ERI1: variants seen among roughly 807,000 people sequenced by gnomAD.
ERI1 encodes the protein 3'-5' exoribonuclease 1.
A neutral mutation model predicts 39.7 loss-of-function variants in ERI1; 39 were observed. The ratio of observed to expected loss-of-function variants is 0.98; its 90% CI spans 0.76 to 1.28. The LOEUF is 1.28. Ranked by LOEUF, ERI1 falls within the 50% of genes most tolerant of loss-of-function variation. ERI1 has a pLI of 0.00. For missense variants in ERI1, 581 were observed against 416.9 expected (o/e 1.39, Z -3.43); for synonymous variants, 204 against 149.6 (o/e 1.36, Z -2.65).
chr8:9,051,982 C>T (rs1307491158), intron 3 of ERI1, among the ~76,000 whole-genome samples: 1 of 152,160 alleles, frequency 6.6e-6, no homozygotes, highest in African/African-American at 2.4e-5. Flanking sequence ...AAATAAGTGA[C>T]CTTGCTCTGT....
Position 9,007,962 on chromosome 8 carries a change from T to TGG in ERI1, c.109-8_109-7insGG. Reference sequence around the variant, plus strand: ...TTTTTTTTTTTTTTTTTTTTTTTTTTTTGGTAGGAAACTCAACAGTGTAAA... The same window carrying TGG: ...TTTTTTTTTTTTTTTTTTTTTTTTTTGGTTGGTAGGAAACTCAACAGTGTAAA... On this transcript the variant is annotated splice_region_variant and splice_polypyrimidine_tract_variant and intron_variant, in intron 1 of 6. Transcript: ENST00000250263. 7.5e-6 allele frequency: 9 copies of TGG among 1,195,344 alleles called. No homozygotes were observed. The highest frequency in any genetic ancestry group is 3.1e-5 in the Admixed American group (1 of 32,130). 74.0% of individuals were successfully genotyped at this position (1,195,344 alleles called of 1,614,324 possible). A position where few individuals can be genotyped will look rare whatever the true frequency, so the allele number is the denominator to read the frequency against.
chr8:9,014,679 TTGCAA>T (rs375440668), intron 3 of ERI1, among the ~76,000 whole-genome samples: 15 of 152,292 alleles, frequency 9.8e-5, no homozygotes, highest in African/African-American at 3.6e-4. Flanking sequence ...ATAAGGGAAG[TTGCAA>T]TATATTTTTG....
chr8:9,082,577 T>C (rs1441319092), intron 3 of ERI1, among the ~76,000 whole-genome samples: 6 of 152,138 alleles, frequency 3.9e-5, no homozygotes, highest in Admixed American at 3.9e-4. Context: ...TTCTTGGGGG[T>C]CTTAATCTCT....
chr8:9,019,123 C>T (rs1026701820), intron 5 of ERI1, among the ~76,000 whole-genome samples: 2 of 151,956 alleles, frequency 1.3e-5, no homozygotes, highest in Non-Finnish European at 2.9e-5. Context: ...AAGTGTATGC[C>T]CAAAAAGCAT....
Position 9,020,343 on chromosome 8 carries a change from T to C in ERI1, c.693-7T>C. On this transcript the variant is annotated splice_polypyrimidine_tract_variant and splice_region_variant and intron_variant, in intron 5 of 6. Transcript: ENST00000250263. Reference sequence around the variant, plus strand: ...TCATCAATTTTTTGTCCTTTTTTAATTTATAGTTCTTGGGATATGAGTAAG... The same window carrying C: ...TCATCAATTTTTTGTCCTTTTTTAACTTATAGTTCTTGGGATATGAGTAAG... The C allele has an allele frequency of 6.6e-7, 1 of 1,519,450 alleles. No individual in the cohort carries two copies. The highest frequency in any genetic ancestry group is 1.3e-5 in the South Asian group (1 of 76,564). The allele number at this position is 1,519,450 out of a possible 1,614,324, so 94.1% of individuals were successfully genotyped here.
intron 3 of ERI1, among the ~76,000 whole-genome samples, chr8:9,080,006 A>T (rs1799322450): frequency 6.6e-6 from 1 of 152,048 alleles, no homozygotes; most frequent in African/African-American, 2.4e-5. Flanking sequence ...AAAAAAAAAA[A>T]AAAGTTTGAG....
chr8:9,076,664 A>G (rs1332112845), intron 3 of ERI1, among the ~76,000 whole-genome samples: 2 of 152,246 alleles, frequency 1.3e-5, no homozygotes, highest in African/African-American at 2.4e-5. Context: ...GAGAAACTAC[A>G]TAATATCCAG....
At chr8:9,017,730 T>A (rs575228037) in intron 4 of ERI1, among the ~76,000 whole-genome samples, 1 of 152,138 alleles carries the variant, frequency 6.6e-6, no homozygotes, top group Non-Finnish European at 1.5e-5. Flanking sequence ...ATGGTTCAGA[T>A]GTGTATGGAC....
At chr8:9,094,241 C>T (rs557242054) in intron 3 of ERI1, among the ~76,000 whole-genome samples, 2 of 152,158 alleles carry the variant, frequency 1.3e-5, no homozygotes, top group African/African-American at 4.8e-5. Context: ...ACAATATGAG[C>T]ATGAGAATCG....
intron 3 of ERI1, among the ~76,000 whole-genome samples, chr8:9,048,134 C>G (rs1798238545): frequency 1.3e-5 from 2 of 152,232 alleles, no homozygotes; most frequent in Admixed American, 1.3e-4. Context: ...AAAGCCCAGT[C>G]TTTCTCTAAA....
intron 4 of ERI1, among the ~76,000 whole-genome samples, chr8:9,016,740 C>T (rs751801607): frequency 2.6e-5 from 4 of 152,192 alleles, no homozygotes; most frequent in Admixed American, 6.5e-5. Context: ...GGCTTGAGTA[C>T]AGTGGCGTGA....
At chr8:9,050,121 A>G (rs1444474584) in intron 3 of ERI1, among the ~76,000 whole-genome samples, 1 of 152,080 alleles carries the variant, frequency 6.6e-6, no homozygotes, top group Non-Finnish European at 1.5e-5. Flanking sequence ...TAAGTGAGGT[A>G]GAATATATAT....
chr8:9,076,154 A>G (rs1799205727), intron 3 of ERI1, among the ~76,000 whole-genome samples: 1 of 152,220 alleles, frequency 6.6e-6, no homozygotes, highest in East Asian at 1.9e-4. Context: ...TTATTGCCCA[A>G]GCTGGTCTCA....
At chr8:9,015,595 G>A (rs771845904) in intron 3 of ERI1, among the ~76,000 whole-genome samples, 3 of 151,844 alleles carry the variant, frequency 2.0e-5, no homozygotes, top group Admixed American at 1.3e-4. Context: ...GGTGGCAGGC[G>A]TCTGTAGTCC....
Position 9,011,738 on chromosome 8 carries a change from C to G in ERI1, c.484C>G (p.His162Asp). ...IEFPVVLLNT[H>D]TLEIEDTFQQ... The stretch of plus-strand genomic sequence containing the variant: ...ATTTCCGGTTGTTTTACTGAATACG[C>G]ATACTTTAGAAATAGTAAGTGAATT... Residue 162 changes from histidine (H) to aspartate (D), a missense_variant, in exon 3 of 7, where the codon CAT (histidine) becomes GAT (aspartate). Physicochemically the swap from His to Asp is moderately conservative, Grantham distance 81 (BLOSUM62 -1). Coordinates refer to ENST00000250263, the MANE Select transcript of ERI1 (RefSeq NM_153332.4). 1 of 1,601,802 alleles carries G rather than the reference C, an allele frequency of 6.2e-7. No homozygotes were observed.
At chr8:9,060,580 C>T (rs1384033588) in intron 3 of ERI1, among the ~76,000 whole-genome samples, 1 of 152,096 alleles carries the variant, frequency 6.6e-6, no homozygotes, top group Non-Finnish European at 1.5e-5. Context: ...TTGTAACCTA[C>T]ATGGAAGAGG....
chr8:9,073,532 C>A (rs1319151376), intron 3 of ERI1, among the ~76,000 whole-genome samples: 1 of 152,098 alleles, frequency 6.6e-6, no homozygotes, highest in Non-Finnish European at 1.5e-5. Flanking sequence ...TTTTCCAGTT[C>A]AATTTTTAAC....
chr8:9,036,938 A>T (rs1797864946), downstream of ERI1, among the ~76,000 whole-genome samples: 1 of 152,160 alleles, frequency 6.6e-6, no homozygotes, highest in African/African-American at 2.4e-5. Context: ...TGAAACCATG[A>T]AACTCATAGT....
At chr8:9,005,083 G>A (rs949603176) in intron 1 of ERI1, among the ~76,000 whole-genome samples, 2 of 152,178 alleles carry the variant, frequency 1.3e-5, no homozygotes, top group African/African-American at 4.8e-5. Context: ...TTGTAAACTA[G>A]TAGAAGCTAT....
Sources: allele counts gnomAD v4.1 joint callset (sites outside exome capture counted in the v4.1 genomes callset), GRCh38; gene constraint gnomAD v4.1.1; transcripts MANE v1.5; gene names NCBI Gene and HGNC (gene_info 2026-07-23, HGNC 2026-07-21).